Variants in NEGR1 observed in about 807,000 individuals in gnomAD.
NEGR1 encodes neuronal growth regulator 1, also known as IgLON family member 4.
In NEGR1, 10 loss-of-function variants were observed where a neutral mutation model predicts 40.9. The ratio of observed to expected loss-of-function variants is 0.24; its 90% CI spans 0.15 to 0.42. The LOEUF is 0.42. NEGR1 is among the 10% of genes least tolerant of loss of function. The pLI is 1.00. For missense variants in NEGR1, 352 were observed against 438.9 expected (o/e 0.80, Z 1.77); for synonymous variants, 185 against 166.8 (o/e 1.11, Z -0.84).
intron 1 of NEGR1, among the ~76,000 whole-genome samples, chr1:71,972,933 C>T (rs183930833): frequency 1.3e-3 from 191 of 152,124 alleles, no homozygotes; most frequent in African/African-American, 4.5e-3. Flanking sequence ...GATGTTTACC[C>T]CCGAAGTCCC....
At chr1:72,013,827 T>TA (rs5775100) in intron 1 of NEGR1, among the ~76,000 whole-genome samples, 51 of 144,208 alleles carry the variant, frequency 3.5e-4, no homozygotes, top group African/African-American at 5.4e-4. Flanking sequence ...AGTACTTAAT[T>TA]AAAAAAAAAA....
intron 1 of NEGR1, among the ~76,000 whole-genome samples, chr1:72,075,833 G>A (rs1035664451): frequency 4.6e-5 from 7 of 152,042 alleles, no homozygotes; most frequent in African/African-American, 1.2e-4. Context: ...CATCAGTTCC[G>A]TTCCTGATAA....
chr1:72,209,496 C>G (rs771883127), intron 1 of NEGR1, among the ~76,000 whole-genome samples: 10 of 151,498 alleles, frequency 6.6e-5, no homozygotes, highest in Non-Finnish European at 1.3e-4. Context: ...ATACCTTAAA[C>G]AAGAAAAAAA....
chr1:71,809,525 A>G (rs1657911153), intron 2 of NEGR1, among the ~76,000 whole-genome samples: 1 of 152,210 alleles, frequency 6.6e-6, no homozygotes, highest in Non-Finnish European at 1.5e-5. Flanking sequence ...AAGTTTTTGC[A>G]AAGTAATGAG....
At chr1:71,759,357 G>GCACGAT (rs917329922) in intron 3 of NEGR1, among the ~76,000 whole-genome samples, 11 of 135,106 alleles carry the variant, frequency 8.1e-5, no homozygotes, top group African/African-American at 2.8e-4. Context: ...GAGTGCAGTG[G>GCACGAT]CACGATCTCG....
chr1:71,662,207 T>C (rs1652082628), intron 4 of NEGR1, among the ~76,000 whole-genome samples: 1 of 152,198 alleles, frequency 6.6e-6, no homozygotes, highest in Non-Finnish European at 1.5e-5. Flanking sequence ...GTTTTCCTCA[T>C]TAGTAAATGG....
intron 1 of NEGR1, among the ~76,000 whole-genome samples, chr1:72,038,583 A>G (rs1296907622): frequency 6.6e-6 from 1 of 152,036 alleles, no homozygotes; most frequent in Non-Finnish European, 1.5e-5. Context: ...TTCTAAAAAC[A>G]TCAGCGTACA....
intron 2 of NEGR1, among the ~76,000 whole-genome samples, chr1:71,925,367 C>T (rs1236500486): frequency 3.3e-5 from 5 of 152,102 alleles, no homozygotes; most frequent in African/African-American, 1.2e-4. Flanking sequence ...CCTTTTTCCC[C>T]GAATCTTTCC....
At chr1:71,853,474 T>G (rs1001509235) in intron 2 of NEGR1, among the ~76,000 whole-genome samples, 31 of 152,072 alleles carry the variant, frequency 2.0e-4, no homozygotes, top group African/African-American at 5.8e-4. Flanking sequence ...ACAAAGACAA[T>G]TGTGTCCAGT....
At chr1:71,741,090 T>C (rs1655198348) in intron 3 of NEGR1, among the ~76,000 whole-genome samples, 1 of 152,128 alleles carries the variant, frequency 6.6e-6, no homozygotes, top group African/African-American at 2.4e-5. Context: ...AGGCATTCAA[T>C]CATTTGATTT....
chr1:71,920,678 G>C (rs1645709219), intron 2 of NEGR1, among the ~76,000 whole-genome samples: 1 of 152,170 alleles, frequency 6.6e-6, no homozygotes, highest in Non-Finnish European at 1.5e-5. Context: ...AATGCTCAAA[G>C]GATGTGGCTA....
At chr1:72,242,372 T>C (rs2100516204) in intron 1 of NEGR1, among the ~76,000 whole-genome samples, 1 of 151,686 alleles carries the variant, frequency 6.6e-6, no homozygotes, top group African/African-American at 2.4e-5. Context: ...TATATTTCAT[T>C]TTATTTTCAT....
chr1:71,661,316 A>G (rs995436989), intron 4 of NEGR1, among the ~76,000 whole-genome samples: 1 of 152,212 alleles, frequency 6.6e-6, no homozygotes, highest in Non-Finnish European at 1.5e-5. Context: ...AAATTGGAAT[A>G]CTTTTACACT....
At chr1:72,041,350 G>T (rs1325244078) in intron 1 of NEGR1, among the ~76,000 whole-genome samples, 2 of 150,562 alleles carry the variant, frequency 1.3e-5, no homozygotes, top group Non-Finnish European at 3.0e-5. Flanking sequence ...TGGTATTTTG[G>T]TGTCTTTATT....
intron 1 of NEGR1, among the ~76,000 whole-genome samples, chr1:72,131,047 G>C (rs536979136): frequency 1.3e-5 from 2 of 152,180 alleles, no homozygotes; most frequent in Admixed American, 6.5e-5. Context: ...ATGTTGTAAG[G>C]TCATATTTAT....
At chr1:72,240,470 G>T (rs1447339900) in intron 1 of NEGR1, among the ~76,000 whole-genome samples, 2 of 151,800 alleles carry the variant, frequency 1.3e-5, no homozygotes, top group Non-Finnish European at 2.9e-5. Context: ...CAAGAGCAGA[G>T]ATCTCAATGA....
At chr1:72,118,906 T>G (rs1303110900) in intron 1 of NEGR1, among the ~76,000 whole-genome samples, 1 of 151,840 alleles carries the variant, frequency 6.6e-6, no homozygotes, top group Non-Finnish European at 1.5e-5. Context: ...ATTTTATTTC[T>G]TAAGCAATTA....
At position 72,199,086 on chromosome 1, in the gene NEGR1, C is replaced by T. The variant is rs972150664; in HGVS notation, c.176+83233G>A. Among the ~76,000 whole-genome samples the T allele has an allele frequency of 2.0e-5, 3 of 151,000 alleles. No individual in the cohort carries two copies. In the Admixed American group the frequency reaches 2.0e-4, roughly 10 times the overall value. On this transcript the variant is annotated intron_variant, in intron 1 of 6. Coordinates refer to ENST00000357731, the MANE Select transcript of NEGR1 (RefSeq NM_173808.3). ...TTGCCACTAATGTCCTTTTGCCCTT[C>T]AAGGATCCAATCCAGAATATCATAT... is the stretch of plus-strand genomic sequence containing the variant.
intron 2 of NEGR1, among the ~76,000 whole-genome samples, chr1:71,888,531 C>T (rs1194250688): frequency 4.6e-5 from 7 of 151,134 alleles, no homozygotes; most frequent in African/African-American, 1.2e-4. Flanking sequence ...CGGCGCACCA[C>T]GAGACTATAT....
Sources: gnomAD v4.1 joint callset for allele counts (sites outside exome capture counted in the v4.1 genomes callset) on GRCh38, gnomAD v4.1.1 for gene constraint, MANE v1.5 for transcripts, NCBI Gene and HGNC (gene_info 2026-07-23, HGNC 2026-07-21) for gene names.